ETV6: variants seen among roughly 807,000 people sequenced by gnomAD.
ETV6 encodes transcription factor ETV6.
In ETV6, 16 loss-of-function variants were observed where a neutral mutation model predicts 51.1. That is an observed-to-expected ratio of 0.31 (90% CI 0.21 to 0.48). ETV6 has a LOEUF of 0.48. ETV6 is among the 20% of genes least tolerant of loss of function. The probability of loss-of-function intolerance (pLI) is 0.99; values close to 1 mark genes in which losing one functional copy is unlikely to be tolerated. For missense variants in ETV6, 458 were observed against 594.8 expected (o/e 0.77, Z 2.39); for synonymous variants, 240 against 224.1 (o/e 1.07, Z -0.64).
At chr12:11,858,831 G>A (rs980308404) in intron 4 of ETV6, among the ~76,000 whole-genome samples, 1 of 63,490 alleles carries the variant, frequency 1.6e-5, no homozygotes, top group African/African-American at 3.2e-5. Context: ...CGCAAGTGAT[G>A]AGGAGAACTT....
chr12:11,700,005 C>T (rs763675070), intron 1 of ETV6, among the ~76,000 whole-genome samples: 2 of 152,076 alleles, frequency 1.3e-5, no homozygotes, highest in Non-Finnish European at 2.9e-5. Context: ...CAAGTCAGCC[C>T]AGTGCTGTAG....
At chr12:11,698,582 AC>A (rs1330308087) in intron 1 of ETV6, among the ~76,000 whole-genome samples, 1 of 130,556 alleles carries the variant, frequency 7.7e-6, no homozygotes, top group African/African-American at 3.0e-5. Flanking sequence ...GACACCCACA[AC>A]ATGGCAGCCT....
chr12:11,783,290 G>A (rs1192612199), intron 2 of ETV6, among the ~76,000 whole-genome samples: 2 of 152,132 alleles, frequency 1.3e-5, no homozygotes, highest in African/African-American at 2.4e-5. Flanking sequence ...AGGAAAGAAT[G>A]ATCCTGCCCA....
At chr12:11,800,795 C>A (rs1945737193) in intron 2 of ETV6, among the ~76,000 whole-genome samples, 1 of 152,048 alleles carries the variant, frequency 6.6e-6, no homozygotes, top group Non-Finnish European at 1.5e-5. Context: ...AGTAGCCGGG[C>A]ATGGTGGCAC....
intron 2 of ETV6, among the ~76,000 whole-genome samples, chr12:11,809,790 T>C (rs913025486): frequency 1.4e-5 from 2 of 146,420 alleles, no homozygotes; most frequent in Non-Finnish European, 3.0e-5. Context: ...GCTTGGAAAA[T>C]GGGGAGGGAA....
intron 1 of ETV6, among the ~76,000 whole-genome samples, chr12:11,650,587 A>C (rs567202532): frequency 9.9e-5 from 15 of 151,340 alleles, no homozygotes; most frequent in Non-Finnish European, 2.1e-4. Context: ...GTCGTCTTAG[A>C]AAAAAAGTTG....
chr12:11,831,018 G>A (rs1267742558), intron 2 of ETV6, among the ~76,000 whole-genome samples: 1 of 152,160 alleles, frequency 6.6e-6, no homozygotes, highest in African/African-American at 2.4e-5. Context: ...ATGATCTCAT[G>A]ATCTGAATGC....
intron 4 of ETV6, among the ~76,000 whole-genome samples, chr12:11,857,243 T>A (rs943141191): frequency 6.6e-6 from 1 of 152,230 alleles, no homozygotes; most frequent in African/African-American, 2.4e-5. Context: ...ATGACTTTCT[T>A]ACATTGAAAC....
chr12:11,700,954 G>T (rs1329578819), intron 1 of ETV6, among the ~76,000 whole-genome samples: 1 of 152,118 alleles, frequency 6.6e-6, no homozygotes, highest in Admixed American at 6.5e-5. Flanking sequence ...GGGCTTCCAG[G>T]CTTTAGTTCT....
chr12:11,758,234 G>T (rs1343267408), intron 2 of ETV6, among the ~76,000 whole-genome samples: 5 of 152,144 alleles, frequency 3.3e-5, no homozygotes, highest in Admixed American at 3.3e-4. Context: ...AGTTTCTAAC[G>T]ACACCTACTA....
rs149966406 is a variant in ETV6, at chr12:11,725,573, G to A, written c.34-26877G>A. On this transcript the variant is annotated intron_variant, in intron 1 of 7. Transcript: ENST00000396373. ...ACTCATCTGTATTACTTCAGATGTT[G>A]CTGCTGTAGTTTGGATGTTTCTCTC... 2.0e-3 allele frequency among the ~76,000 whole-genome samples: 305 copies of A among 152,236 alleles called. 10 individuals carry two copies. The East Asian group carries it at 0.044, about 22-fold the overall frequency.
intron 7 of ETV6, among the ~76,000 whole-genome samples, chr12:11,886,564 G>A (rs142122162): frequency 9.4e-4 from 143 of 152,218 alleles, no homozygotes; most frequent in African/African-American, 3.1e-3. Flanking sequence ...TGAAAATGTT[G>A]TTCCAGGTGT....
At chr12:11,755,858 A>T (rs567132715) in intron 2 of ETV6, among the ~76,000 whole-genome samples, 1 of 152,266 alleles carries the variant, frequency 6.6e-6, no homozygotes, top group East Asian at 1.9e-4. Context: ...TATGCCTCAA[A>T]GTGGGTTCTT....
intron 1 of ETV6, among the ~76,000 whole-genome samples, chr12:11,670,825 T>C (rs1864299545): frequency 6.6e-6 from 1 of 152,346 alleles, no homozygotes; most frequent in East Asian, 1.9e-4. Context: ...AAGCATGACA[T>C]TTCAGTAAGT....
At chr12:11,721,257 A>G (rs968230219) in intron 1 of ETV6, among the ~76,000 whole-genome samples, 11 of 152,192 alleles carry the variant, frequency 7.2e-5, no homozygotes, top group African/African-American at 2.2e-4. Context: ...AAAGACATAT[A>G]CACTTGTATG....
chr12:11,865,119 C>T (rs1014677709), intron 4 of ETV6, among the ~76,000 whole-genome samples: 6 of 152,006 alleles, frequency 3.9e-5, no homozygotes, highest in Non-Finnish European at 7.4e-5. Context: ...GGCATGGTGG[C>T]GGGCACCTGT....
chr12:11,875,898 T>C (rs1181321664), intron 5 of ETV6, among the ~76,000 whole-genome samples: 1 of 152,234 alleles, frequency 6.6e-6, no homozygotes, highest in African/African-American at 2.4e-5. Flanking sequence ...GTTGAGTAGT[T>C]ACAACAGAGA....
At chr12:11,845,339 G>A (rs1329949359) in intron 3 of ETV6, among the ~76,000 whole-genome samples, 1 of 152,220 alleles carries the variant, frequency 6.6e-6, no homozygotes, top group Non-Finnish European at 1.5e-5. Flanking sequence ...TGATGGTAAC[G>A]TAGGGAAAAC....
chr12:11,833,978 A>G (rs960623234), intron 2 of ETV6, among the ~76,000 whole-genome samples: 1 of 152,200 alleles, frequency 6.6e-6, no homozygotes. Flanking sequence ...AGCTGTTACT[A>G]TCAATAGAAG....
Sources: allele counts gnomAD v4.1 joint callset (sites outside exome capture counted in the v4.1 genomes callset), GRCh38; gene constraint gnomAD v4.1.1; transcripts MANE v1.5; gene names NCBI Gene and HGNC (gene_info 2026-07-23, HGNC 2026-07-21).